The following RAPGEF4 variants were observed in gnomAD, a reference collection of about 807,000 sequenced individuals.
The protein encoded by RAPGEF4 is RAP guanine-nucleotide-exchange factor (GEF) 4.
In RAPGEF4, 66 loss-of-function variants were observed where a neutral mutation model predicts 147.9. That is an observed-to-expected ratio of 0.45 (90% confidence interval 0.37 to 0.55). The LOEUF is 0.55. Ranked by LOEUF, RAPGEF4 falls within the 20% of genes least tolerant of loss-of-function variation. RAPGEF4 has a pLI of 0.00. For missense variants in RAPGEF4, 1,071 were observed against 1,257.3 expected, an observed-to-expected ratio of 0.85 and a Z score of 2.24; for synonymous variants, 419 against 442.7, an observed-to-expected ratio of 0.95 and a Z score of 0.67.
intron 4 of RAPGEF4, among the ~76,000 whole-genome samples, chr2:172,861,001 A>G (rs1014360647): frequency 1.3e-5 from 2 of 152,192 alleles, no homozygotes; most frequent in Non-Finnish European, 2.9e-5. Flanking sequence ...TTGCATCTTT[A>G]AAGTTTTTGC....
At chr2:172,850,359 T>A (rs1692669802) in intron 4 of RAPGEF4, among the ~76,000 whole-genome samples, 1 of 152,206 alleles carries the variant, frequency 6.6e-6, no homozygotes, top group South Asian at 2.1e-4. Flanking sequence ...GGCTCATGCC[T>A]GTAATCCTAG....
chr2:173,017,621 G>C, intron 21 of RAPGEF4, 117 bp downstream of exon 21: 2 of 1,006,604 alleles, frequency 2.0e-6, no homozygotes, highest in South Asian at 3.2e-5. Flanking sequence ...TTGCCCTCCA[G>C]ATGGTTTGCT....
intron 1 of RAPGEF4, among the ~76,000 whole-genome samples, chr2:172,759,588 C>T (rs1165864860): frequency 2.0e-5 from 3 of 152,142 alleles, no homozygotes; most frequent in Admixed American, 2.0e-4. Context: ...ATCAATAAAG[C>T]CAGAGTTGTC....
intron 26 of RAPGEF4, among the ~76,000 whole-genome samples, chr2:173,032,427 C>T (rs1443200285): frequency 2.0e-5 from 3 of 152,138 alleles, no homozygotes; most frequent in Non-Finnish European, 1.5e-5. Context: ...TTTTTTATTA[C>T]CCTGTGCCCT....
intron 4 of RAPGEF4, among the ~76,000 whole-genome samples, chr2:172,861,636 C>G (rs1694062874): frequency 6.6e-6 from 1 of 152,156 alleles, no homozygotes; most frequent in South Asian, 2.1e-4. Flanking sequence ...CCATCTTGTC[C>G]TAATTAGAGG....
At position 172,814,399 on chromosome 2, in the gene RAPGEF4, CAGA is replaced by C; in HGVS notation, c.421_423del (p.Lys141del). 1 of 1,614,148 alleles carries C rather than the reference CAGA, an allele frequency of 6.2e-7. No homozygotes were observed. The highest frequency in any genetic ancestry group is 8.5e-7 in the Non-Finnish European group (1 of 1,180,018). On this transcript the variant is annotated inframe_deletion, in exon 4 of 31. Coordinates refer to ENST00000397081, the MANE Select transcript of RAPGEF4 (RefSeq NM_007023.4). ...GAGCAGTGAACTGCTCCGCATCGAG[CAGA>C]AGGACTTCAAGGCACTATGGGAGGT... is the stretch of plus-strand genomic sequence containing the variant.
intron 1 of RAPGEF4, among the ~76,000 whole-genome samples, chr2:172,793,261 A>T (rs1278107734): frequency 6.6e-6 from 1 of 152,094 alleles, no homozygotes; most frequent in East Asian, 1.9e-4. Context: ...GTGTGACCTC[A>T]TCTTAATTTG....
At chr2:173,027,393 A>G (rs1696766207) in intron 25 of RAPGEF4, 134 bp downstream of exon 25, 1 of 625,142 alleles carries the variant, frequency 1.6e-6, no homozygotes, top group African/African-American at 1.9e-5. Flanking sequence ...TCTTAGGAAT[A>G]ACCAAACTCT....
intron 3 of RAPGEF4, among the ~76,000 whole-genome samples, chr2:172,800,455 C>T (rs144685308): frequency 9.8e-5 from 15 of 152,336 alleles, no homozygotes; most frequent in African/African-American, 3.4e-4. Flanking sequence ...GTGATGGGCT[C>T]TGGGTCTCTG....
intron 4 of RAPGEF4, among the ~76,000 whole-genome samples, chr2:172,818,622 T>A (rs768901590): frequency 1.3e-5 from 2 of 152,220 alleles, no homozygotes; most frequent in African/African-American, 2.4e-5. Flanking sequence ...TAGGTACTCT[T>A]ACTGTCACTT....
chr2:173,036,273 A>G, intron 28 of RAPGEF4, 61 bp downstream of exon 28: 3 of 1,274,446 alleles, frequency 2.4e-6, no homozygotes, highest in Non-Finnish European at 3.4e-6. Flanking sequence ...GGAAATGAAC[A>G]ATACCTTGAT....
chr2:172,770,047 GT>G (rs1218121134), intron 1 of RAPGEF4, among the ~76,000 whole-genome samples: 1 of 152,132 alleles, frequency 6.6e-6, no homozygotes. Flanking sequence ...TAAATGCAGG[GT>G]TTTTGCTGAT....
chr2:172,911,150 T>A (rs1033930641), intron 4 of RAPGEF4, among the ~76,000 whole-genome samples: 1 of 152,142 alleles, frequency 6.6e-6, no homozygotes, highest in East Asian at 1.9e-4. Flanking sequence ...TCCCATCAGC[T>A]AAATCAGATC....
chr2:172,912,893 C>CT (rs35223351), intron 4 of RAPGEF4, among the ~76,000 whole-genome samples: 66 of 92,528 alleles, frequency 7.1e-4, no homozygotes, highest in African/African-American at 1.7e-3. Flanking sequence ...CTCCCTCACT[C>CT]TTTTTTTTTT....
At chr2:173,018,909 A>T (rs1695764384) in intron 22 of RAPGEF4, 107 bp downstream of exon 22, 3 of 1,257,672 alleles carry the variant, frequency 2.4e-6, no homozygotes, top group Non-Finnish European at 3.3e-6. Flanking sequence ...CCAGAGGATG[A>T]ACTGGTGCTT....
At chr2:172,802,669 T>C (rs911526873) in intron 3 of RAPGEF4, among the ~76,000 whole-genome samples, 2 of 152,166 alleles carry the variant, frequency 1.3e-5, no homozygotes, top group Non-Finnish European at 2.9e-5. Flanking sequence ...CCTAACAGTC[T>C]CCCAAAGTCT....
intron 4 of RAPGEF4, among the ~76,000 whole-genome samples, chr2:172,870,559 T>C (rs1276666440): frequency 6.6e-6 from 1 of 152,144 alleles, no homozygotes; most frequent in African/African-American, 2.4e-5. Context: ...GCCTTGCAGA[T>C]AAACCCCAGA....
chr2:172,824,352 C>T (rs1041870425), intron 4 of RAPGEF4, among the ~76,000 whole-genome samples: 6 of 152,206 alleles, frequency 3.9e-5, no homozygotes, highest in Admixed American at 6.5e-5. Flanking sequence ...GGGCTGAGAA[C>T]CCCTTCAGCA....
intron 30 of RAPGEF4, among the ~76,000 whole-genome samples, chr2:173,051,028 C>G (rs1686167678): frequency 6.6e-6 from 1 of 152,192 alleles, no homozygotes; most frequent in Non-Finnish European, 1.5e-5. Flanking sequence ...GTTTTCAGAG[C>G]AGATAGCATT....
Sources: gnomAD v4.1 joint callset for allele counts (sites outside exome capture counted in the v4.1 genomes callset) on GRCh38, gnomAD v4.1.1 for gene constraint, MANE v1.5 for transcripts, NCBI Gene and HGNC (gene_info 2026-07-23, HGNC 2026-07-21) for gene names.